LTBP2: variants seen among roughly 807,000 people sequenced by gnomAD.
LTBP2 encodes the protein latent-transforming growth factor beta-binding protein 2.
In LTBP2, 103 loss-of-function variants were observed where a neutral mutation model predicts 210.6. The ratio of observed to expected loss-of-function variants is 0.49; its 90% confidence interval spans 0.42 to 0.58. The LOEUF is 0.58. Among genes scored for constraint, LTBP2 ranks in the 20% least tolerant of loss-of-function variants. The probability of loss-of-function intolerance (pLI) is 0.00; values close to 1 mark genes in which losing one functional copy is unlikely to be tolerated. For synonymous variants in LTBP2, 1,007 were observed against 1,015.0 expected, an observed-to-expected ratio of 0.99 and a Z score of 0.15; for missense variants, 2,313 against 2,494.5, an observed-to-expected ratio of 0.93 and a Z score of 1.55.
Position 74,574,448 on chromosome 14 carries a change from CA to C in LTBP2, c.830+11405del, listed in dbSNP as rs565165457. The stretch of plus-strand genomic sequence containing the variant: ...GGACACGACACAATTGACCAAAAGA[CA>C]TTTGTACAACATCCATGTCCTGCAT... On this transcript the variant is annotated intron_variant, in intron 3 of 35. Coordinates refer to ENST00000261978, the MANE Select transcript of LTBP2 (RefSeq NM_000428.3). 1.8e-3 allele frequency among the ~76,000 whole-genome samples: 269 copies of C among 152,324 alleles called. 3 individuals are homozygous for C. In the Middle Eastern group the frequency reaches 0.021, roughly 12 times the overall value.
chr14:74,599,999 C>A (rs2088422445), intron 2 of LTBP2, among the ~76,000 whole-genome samples: 2 of 152,222 alleles, frequency 1.3e-5, no homozygotes, highest in African/African-American at 4.8e-5. Context: ...CATTCCCCAA[C>A]ATTGGCAGTC....
At chr14:74,555,817 C>T in intron 3 of LTBP2, 124 bp from the exon 4 acceptor site, 4 of 638,718 alleles carry the variant, frequency 6.3e-6, no homozygotes, top group Non-Finnish European at 9.5e-6. Flanking sequence ...CCTTCTCACC[C>T]ATGTATGGCT....
chr14:74,546,471 C>T (rs1992302), intron 8 of LTBP2, among the ~76,000 whole-genome samples: 123,762 of 152,182 alleles, frequency 0.81, 53,251 homozygotes, highest in Non-Finnish European at 0.97. Context: ...CTCTATACAA[C>T]GCCCAACTGC....
chr14:74,512,297 A>T (rs2087081693), intron 18 of LTBP2, among the ~76,000 whole-genome samples: 1 of 152,146 alleles, frequency 6.6e-6, no homozygotes, highest in Non-Finnish European at 1.5e-5. Context: ...CAACAGGTCC[A>T]TTGGCCAAGG....
Position 74,525,194 on chromosome 14 carries a change from C to T in LTBP2, c.2460G>A (p.Gln820=). The T allele has an allele frequency of 1.5e-6, 2 of 1,331,994 alleles. No individual in the cohort carries two copies. The highest frequency in any genetic ancestry group is 1.9e-6 in the Non-Finnish European group (2 of 1,031,750). The allele number at this position is 1,331,994 out of a possible 1,614,324, so 82.5% of individuals were successfully genotyped here. A position where few individuals can be genotyped will look rare whatever the true frequency, so the allele number is the denominator to read the frequency against. ...GNATTPPMPE[Q]GIAEIQEEQV... ...GTTCTTCCTGTATCTCTGCAATCCC[C>T]TGTTCAGGCATTGGTGGGGTTGTGG... The change falls in exon 15 of 36, where the codon CAG becomes CAA. Residue 820 remains glutamine, a synonymous_variant. Transcript: ENST00000261978.
At chr14:74,525,876 T>C (rs1217845355) in intron 14 of LTBP2, among the ~76,000 whole-genome samples, 199 bp downstream of exon 14, 2 of 152,208 alleles carry the variant, frequency 1.3e-5, no homozygotes, top group Admixed American at 6.5e-5. Context: ...TGAAGCGTCA[T>C]GGGGTCTCTC....
chr14:74,503,722 C>G, intron 31 of LTBP2, 116 bp from the exon 32 acceptor site: 1 of 1,444,242 alleles, frequency 6.9e-7, no homozygotes, highest in Non-Finnish European at 9.2e-7. Context: ...CCTCCCTCCC[C>G]TCAACCCAGC....
intron 19 of LTBP2, 25 bp from the exon 20 acceptor site, chr14:74,510,238 T>C (rs2087053050): frequency 1.2e-6 from 2 of 1,611,690 alleles, no homozygotes; most frequent in African/African-American, 1.3e-5. Context: ...TCCAAGACGG[T>C]GGGCTGGCCT....
intron 4 of LTBP2, 32 bp downstream of exon 4, chr14:74,555,471 C>T (rs2139752180): frequency 6.2e-7 from 1 of 1,610,476 alleles, no homozygotes; most frequent in Non-Finnish European, 8.5e-7. Flanking sequence ...AGAGGCCCTG[C>T]TCTTCTAGGA....
chr14:74,534,311 C>T (rs544452041), intron 9 of LTBP2, among the ~76,000 whole-genome samples: 1 of 152,296 alleles, frequency 6.6e-6, no homozygotes, highest in African/African-American at 2.4e-5. Context: ...AAACAGGTGG[C>T]TCTGATGAGA....
At chr14:74,512,335 G>A (rs920269330) in intron 18 of LTBP2, among the ~76,000 whole-genome samples, 1 of 152,210 alleles carries the variant, frequency 6.6e-6, no homozygotes, top group African/African-American at 2.4e-5. Context: ...CTTCCTAAAT[G>A]GGTAATTGTC....
At chr14:74,567,352 C>G (rs551202156) in intron 3 of LTBP2, among the ~76,000 whole-genome samples, 26 of 152,308 alleles carry the variant, frequency 1.7e-4, no homozygotes, top group Middle Eastern at 6.8e-3. Flanking sequence ...CCTGGCCCCT[C>G]GAGATCCTGC....
At chr14:74,573,776 T>C (rs2088017129) in intron 3 of LTBP2, among the ~76,000 whole-genome samples, 1 of 152,178 alleles carries the variant, frequency 6.6e-6, no homozygotes, top group South Asian at 2.1e-4. Flanking sequence ...CAAGAAAAAG[T>C]ATTTGCTATC....
At chr14:74,552,868 C>T (rs1285710365) in intron 5 of LTBP2, 24 bp downstream of exon 5, 2 of 1,606,438 alleles carry the variant, frequency 1.2e-6, no homozygotes, top group Non-Finnish European at 1.7e-6. Context: ...AGCTGGGAAC[C>T]ATCTGAGCAG....
At chr14:74,555,204 G>A (rs1399268278) in intron 4 of LTBP2, among the ~76,000 whole-genome samples, 1 of 152,092 alleles carries the variant, frequency 6.6e-6, no homozygotes, top group African/African-American at 2.4e-5. Context: ...GTGGGACCAG[G>A]GAGTTGAGGT....
rs142270806 is a variant in LTBP2 at position 74,558,638 on chromosome 14, GTC to G, written c.831-2947_831-2946del. ...CCCTGACAAAGAGCTCTCCAGTCTG[GTC>G]AGGATGGAAACTCAAAGTGTTCTTT... is the stretch of plus-strand genomic sequence containing the variant. On this transcript the variant is annotated intron_variant, in intron 3 of 35. Coordinates refer to ENST00000261978, the MANE Select transcript of LTBP2 (RefSeq NM_000428.3). Among the ~76,000 whole-genome samples, 304 of 152,218 alleles carry G rather than the reference GTC, an allele frequency of 2.0e-3. 3 individuals carry two copies. Among genetic ancestry groups the G allele is most frequent in the African/African-American group, 6.8e-3 (282 of 41,508 alleles).
intron 32 of LTBP2, 34 bp from the exon 33 acceptor site, chr14:74,503,420 C>T (rs750406002): frequency 1.8e-5 from 29 of 1,609,906 alleles, no homozygotes; most frequent in Non-Finnish European, 2.4e-5. Flanking sequence ...ACATGAGCCC[C>T]CCAGCCCAGG....
At chr14:74,587,573 G>A (rs545072147) in intron 2 of LTBP2, among the ~76,000 whole-genome samples, 7 of 151,790 alleles carry the variant, frequency 4.6e-5, no homozygotes, top group Admixed American at 2.6e-4. Flanking sequence ...TGGAAGGAAC[G>A]TGGCATACTC....
rs1158191941 is a variant in LTBP2, at chr14:74,535,968, A to T, written c.1822T>A (p.Cys608Ser). 6.2e-7 allele frequency: 1 copy of T among 1,613,796 alleles called. No individual in the cohort carries two copies. The highest frequency in any genetic ancestry group is 8.5e-7 in the Non-Finnish European group (1 of 1,179,980). The change falls in exon 9 of 36, where the codon TGT becomes AGT. Residue 608 changes from cysteine to serine, a missense_variant. Coordinates refer to ENST00000261978, the MANE Select transcript of LTBP2 (RefSeq NM_000428.3). Reference sequence around the variant, plus strand: ...TTCAGTCTCTTGTACCCCTGAGGACACTCCAGCTGGCCATTCTCAATCACC... The same window carrying T: ...TTCAGTCTCTTGTACCCCTGAGGACTCTCCAGCTGGCCATTCTCAATCACC... ...SPVIENGQLECPQGYKRLNLT... is the reference protein window; with the variant it reads ...SPVIENGQLESPQGYKRLNLT...
Sources: gnomAD v4.1 joint callset for allele counts (sites outside exome capture counted in the v4.1 genomes callset) on GRCh38, gnomAD v4.1.1 for gene constraint, MANE v1.5 for transcripts, NCBI Gene and HGNC (gene_info 2026-07-23, HGNC 2026-07-21) for gene names.